Variants in MUC22 observed in about 807,000 individuals in gnomAD.
The protein encoded by MUC22 is mucin-22.
MUC22 carries 24 observed loss-of-function variants against 40.3 expected under a neutral mutation model. The observed-to-expected ratio is 0.60, with a 90% confidence interval of 0.43 to 0.84. MUC22 has a LOEUF of 0.84. MUC22 is among the 40% of genes least tolerant of loss of function. The pLI is 0.00. For missense variants in MUC22, 1,926 were observed against 2,130.7 expected, an observed-to-expected ratio of 0.90 and a Z score of 1.89; for synonymous variants, 765 against 844.5, an observed-to-expected ratio of 0.91 and a Z score of 1.63.
At chr6:31,027,620 C>A in exon 2 of MUC22, 1 of 1,528,294 alleles carries the variant, frequency 6.5e-7, no homozygotes, top group East Asian at 2.5e-5. Flanking sequence ...ACAGCCTATA[C>A]TACAGGCTCT....
chr6:31,032,409 C>A lies in MUC22; in HGVS notation c.4883C>A (p.Thr1628Asn). The change falls in exon 3 of 4, where the codon ACC becomes AAC. Residue 1628 changes from threonine (T) to asparagine (N), a missense_variant. By Grantham distance (65) the Thr-to-Asn change is moderately conservative. Around this residue, in one of 3 missense-constraint regions of MUC22, gnomAD observed 610 missense variants for 714.6 expected, o/e 0.85. Transcript: ENST00000561890. The surrounding 1 kb of genome is among the most constrained non-coding windows in gnomAD (Gnocchi z 4.1). The stretch of plus-strand genomic sequence containing the variant: ...TCCACCCGTGAGCCAACCAGCAGCA[C>A]CTTCCAGGAAACAGGCCCGGTGTCC... 1 of 1,535,718 alleles carries A rather than the reference C, an allele frequency of 6.5e-7. No individual in the cohort carries two copies. The highest frequency in any genetic ancestry group is 8.7e-7 in the Non-Finnish European group (1 of 1,146,906).
At chr6:31,029,168 C>A in exon 2 of MUC22, 5 of 1,535,234 alleles carry the variant, frequency 3.3e-6, no homozygotes, top group East Asian at 4.9e-5. Context: ...TCTGAGACCA[C>A]CACAGCCTCT....
chr6:31,009,206 G>A (rs1034313292), upstream of MUC22, among the ~76,000 whole-genome samples: 9 of 152,150 alleles, frequency 5.9e-5, no homozygotes, highest in African/African-American at 1.2e-4. Context: ...TGCTCAAGTC[G>A]TTGAATTTTA....
chr6:31,032,546 G>A lies in MUC22; in HGVS notation c.5020G>A (p.Ala1674Thr). The A allele has an allele frequency of 6.5e-7, 1 of 1,535,554 alleles. No homozygotes were observed. The highest frequency in any genetic ancestry group is 8.7e-7 in the Non-Finnish European group (1 of 1,146,824). Residue 1674 changes from alanine (A) to threonine (T), a missense_variant, in exon 3 of 4, where the codon GCT becomes ACT. By Grantham distance (58) the Ala-to-Thr change is moderately conservative. This residue lies in a region of MUC22 where 610 missense variants were observed against 714.6 expected (regional missense o/e 0.85). Transcript: ENST00000561890. This position sits in a 1 kb window ranked among gnomAD's most constrained non-coding sequence, Gnocchi z 4.1. Reference sequence around the variant, plus strand: ...CATTTCCCTGGCTGCAGTTGTGGCTGCTGTTGGATTGTCAGTAGGACTGAG... The same window carrying A: ...CATTTCCCTGGCTGCAGTTGTGGCTACTGTTGGATTGTCAGTAGGACTGAG...
chr6:31,026,333 C>T lies in MUC22; in HGVS notation c.902C>T (p.Ser301Phe), dbSNP rs937291853. ...GCAGGTTCTGAGACCACCACCCCCT[C>T]CCCCACAGGCTCTCAGACCACCATA... The change falls in exon 2 of 4, where the codon TCC (serine) becomes TTC (phenylalanine). Residue 301 changes from serine to phenylalanine, a missense_variant. Ser to Phe is a radical substitution (Grantham distance 155). This residue lies in a region of MUC22 where 1,281 missense variants were observed against 1,337.8 expected (regional missense o/e 0.96). Coordinates refer to ENST00000561890, the Ensembl canonical transcript of MUC22. 19 of 1,508,430 alleles carry T rather than the reference C, an allele frequency of 1.3e-5. 2 individuals are homozygous for T. The highest frequency in any genetic ancestry group is 1.7e-5 in the Non-Finnish European group (19 of 1,129,050). The allele number at this position is 1,508,430 out of a possible 1,614,324, so 93.4% of individuals were successfully genotyped here.
In MUC22 at chr6:31,032,232, G is replaced by C; in HGVS notation, c.4706G>C (p.Ser1569Thr). The change falls in exon 3 of 4, where the codon AGC (serine) becomes ACC (threonine). Residue 1569 changes from serine (S) to threonine (T), a missense_variant. Physicochemically the swap from Ser to Thr is moderately conservative, Grantham distance 58. Coordinates refer to ENST00000561890, the Ensembl canonical transcript of MUC22. The surrounding 1 kb of genome is among the most constrained non-coding windows in gnomAD (Gnocchi z 4.1). ...ACTGGAACCAGACTCACTGCCTCCA[G>C]CTCTGTCACCATGGCCCCTGGAATG... 1 of 1,535,528 alleles carries C rather than the reference G, an allele frequency of 6.5e-7. No homozygotes were observed. Among genetic ancestry groups the C allele is most frequent in the Non-Finnish European group, 8.7e-7 (1 of 1,146,834 alleles).
intron 1 of MUC22, among the ~76,000 whole-genome samples, chr6:31,018,206 C>T (rs912204417): frequency 2.7e-5 from 3 of 111,518 alleles, no homozygotes; most frequent in Non-Finnish European, 5.8e-5. Flanking sequence ...GTTTCAGTAT[C>T]TCCAGAGATA....
chr6:31,021,912 T>C (rs1337424163), intron 1 of MUC22, among the ~76,000 whole-genome samples: 2 of 151,982 alleles, frequency 1.3e-5, no homozygotes, highest in African/African-American at 2.4e-5. Context: ...ACTGCTCACT[T>C]TTTGGGTCTA....
chr6:31,017,704 A>G (rs6905626), intron 1 of MUC22, among the ~76,000 whole-genome samples: 22,056 of 152,178 alleles, frequency 0.14, 1,740 homozygotes, highest in African/African-American at 0.19. Context: ...AAACACACCA[A>G]TCAGCACCTT....
At position 31,011,200 on chromosome 6, in the gene MUC22, TTG is replaced by T. The variant is rs1763847107; in HGVS notation, c.70+426_70+427del. Among the ~76,000 whole-genome samples, 1 of 127,376 alleles carries T rather than the reference TTG, an allele frequency of 7.9e-6. No homozygotes were observed. Among genetic ancestry groups the T allele is most frequent in the Admixed American group, 7.7e-5 (1 of 13,056 alleles). The allele number at this position is 127,376 out of a possible 152,430, so 83.6% of individuals were successfully genotyped here. On this transcript the variant is annotated intron_variant, in intron 1 of 3. Coordinates refer to ENST00000561890, the Ensembl canonical transcript of MUC22. The surrounding 1 kb of genome is among the most constrained non-coding windows in gnomAD (Gnocchi z 4.5). ...CAAGTAAAAATCCTTCAATCCTTCT[TTG>T]TTTTTTTTCCATAGGTTATTTGGGT...
chr6:31,026,037 C>T, exon 2 of MUC22: 1 of 1,530,382 alleles, frequency 6.5e-7, no homozygotes, highest in Non-Finnish European at 8.7e-7. Flanking sequence ...CCACTGCAAG[C>T]TCTGAGGCCA....
intron 1 of MUC22, among the ~76,000 whole-genome samples, chr6:31,016,379 G>A (rs887425013): frequency 6.6e-5 from 10 of 152,140 alleles, no homozygotes; most frequent in African/African-American, 2.4e-4. Context: ...CCTGTCAACT[G>A]GTGGACTTAG....
chr6:31,018,415 A>G (rs1245007303), intron 1 of MUC22, among the ~76,000 whole-genome samples: 1 of 152,200 alleles, frequency 6.6e-6, no homozygotes, highest in Non-Finnish European at 1.5e-5. Flanking sequence ...CAGAATTAAT[A>G]ATCTACCAGT....
chr6:31,017,751 C>T (rs1007137680), intron 1 of MUC22, among the ~76,000 whole-genome samples: 9 of 152,218 alleles, frequency 5.9e-5, no homozygotes, highest in African/African-American at 9.6e-5. Flanking sequence ...TAAAACCAAT[C>T]GGCGCTCTGT....
At chr6:31,030,081 C>T (rs1307527691) in exon 2 of MUC22, 2 of 1,531,618 alleles carry the variant, frequency 1.3e-6, no homozygotes, top group Non-Finnish European at 1.7e-6. Flanking sequence ...TCCAGCCCAT[C>T]ACCAACACAC....
Position 31,032,073 on chromosome 6 carries a change from C to T in MUC22, c.4670-123C>T. The T allele has an allele frequency of 9.2e-7, 1 of 1,081,284 alleles. No homozygotes were observed. The highest frequency in any genetic ancestry group is 1.3e-6 in the Non-Finnish European group (1 of 774,876). The allele number at this position is 1,081,284 out of a possible 1,614,324, so 67.0% of individuals were successfully genotyped here. ...TTCTACCATCTCTCCTCCCCCACCA[C>T]ACCTCTCCTGAGCCACCTCCACCAT... On this transcript the variant is annotated intron_variant, in intron 2 of 3. Coordinates refer to ENST00000561890, the Ensembl canonical transcript of MUC22. The surrounding 1 kb of genome is among the most constrained non-coding windows in gnomAD (Gnocchi z 4.1).
At chr6:31,025,479 AC>A in intron 1 of MUC22, 22 bp from the exon 2 acceptor site, 6 of 1,466,768 alleles carry the variant, frequency 4.1e-6, no homozygotes, top group Non-Finnish European at 5.4e-6. Context: ...CATTCCCACC[AC>A]CTTATTTGTT....
exon 2 of MUC22, chr6:31,029,941 G>A: frequency 6.6e-7 from 1 of 1,517,754 alleles, no homozygotes; most frequent in Non-Finnish European, 8.8e-7. Context: ...TGCAAGCTTG[G>A]AGCCCACTGC....
exon 2 of MUC22, chr6:31,027,904 A>G (rs1327899020): frequency 6.5e-7 from 1 of 1,534,934 alleles, no homozygotes; most frequent in Admixed American, 2.0e-5. Flanking sequence ...AGGTGCTGAG[A>G]CCACCACAGA....
Sources: gnomAD v4.1 joint callset for allele counts (sites outside exome capture counted in the v4.1 genomes callset) on GRCh38, gnomAD v4.1.1 for gene constraint, gnomAD v4.1.1 regional missense constraint, Gnocchi (gnomAD v3.1) non-coding constraint, MANE v1.5 for transcripts, NCBI Gene and HGNC (gene_info 2026-07-23, HGNC 2026-07-21) for gene names.